RIF1: variants seen among roughly 807,000 people sequenced by gnomAD.
The protein encoded by RIF1 is telomere-associated protein RIF1.
A neutral mutation model predicts 247.1 loss-of-function variants in RIF1; 45 were observed. The ratio of observed to expected loss-of-function variants is 0.18; its 90% confidence interval spans 0.14 to 0.23. RIF1 has a LOEUF of 0.23. RIF1 is among the 10% of genes least tolerant of loss of function. The pLI is 1.00. For missense variants in RIF1, 2,967 were observed against 2,862.5 expected, an observed-to-expected ratio of 1.04 and a Z score of -0.83; for synonymous variants, 1,087 against 978.8, an observed-to-expected ratio of 1.11 and a Z score of -2.06.
rs188938068 is a variant in RIF1, at chr2:151,476,195, C to T, written c.*1124C>T. 1 of 152,308 alleles carries T rather than the reference C, an allele frequency of 6.6e-6. No individual in the cohort carries two copies. The highest frequency in any genetic ancestry group is 6.5e-5 in the Admixed American group (1 of 15,300). 9.4% of individuals were successfully genotyped at this position (152,308 alleles called of 1,614,324 possible). On this transcript the variant is annotated 3_prime_UTR_variant, in exon 36 of 36. Coordinates refer to ENST00000444746, the MANE Select transcript of RIF1 (RefSeq NM_018151.5). ...AAGGAAAGTTAGTTTCAGTATTTCA[C>T]AGCAAGTTGGACTACAAAATCTAGA...
the RIF1 span, among the ~76,000 whole-genome samples, chr2:151,521,249 T>C: frequency 1.2e-4 from 18 of 152,214 alleles, no homozygotes; most frequent in Admixed American, 1.1e-3. Context: ...ATGCTGAGAC[T>C]CCTTTACTTT....
chr2:151,436,444 GA>G (rs1180035025), intron 11 of RIF1, among the ~76,000 whole-genome samples: 2 of 151,134 alleles, frequency 1.3e-5, no homozygotes, highest in Non-Finnish European at 2.9e-5. Context: ...TTGGAATGCT[GA>G]TGGGAGAAGT....
chr2:151,417,491 A>G (rs1489508900), intron 6 of RIF1, among the ~76,000 whole-genome samples: 1 of 152,180 alleles, frequency 6.6e-6, no homozygotes, highest in East Asian at 1.9e-4. Context: ...TAGTAATATA[A>G]CAATAAGTAA....
rs759385616 is a variant in RIF1, at chr2:151,508,000, C to T, written c.*1299C>T. On this transcript the variant is annotated 3_prime_UTR_variant and NMD_transcript_variant, in exon 14 of 14. Transcript: ENST00000454583. Reference sequence around the variant, plus strand: ...GGCTGTGCCTTACATTTAATAAAAACTTACAAGGCTGAAGTTCTTTTGGTT... The same window carrying T: ...GGCTGTGCCTTACATTTAATAAAAATTTACAAGGCTGAAGTTCTTTTGGTT... 3 of 1,596,826 alleles carry T rather than the reference C, an allele frequency of 1.9e-6. No individual in the cohort carries two copies. The highest frequency in any genetic ancestry group is 2.7e-5 in the African/African-American group (2 of 74,680).
the RIF1 span, among the ~76,000 whole-genome samples, chr2:151,533,919 A>C: frequency 3.9e-5 from 6 of 152,100 alleles, no homozygotes; most frequent in African/African-American, 1.4e-4. Flanking sequence ...TTGCTTTTGC[A>C]ACTCAATCTG....
At chr2:151,532,746 CTT>C in the RIF1 span, among the ~76,000 whole-genome samples, 8 of 149,896 alleles carry the variant, frequency 5.3e-5, no homozygotes, top group Admixed American at 6.6e-5. Flanking sequence ...GCTCAATTAA[CTT>C]TTTTTTTTTG....
chr2:151,454,863 G>T (rs760375079), intron 21 of RIF1, 32 bp from the exon 22 acceptor site: 8 of 1,501,930 alleles, frequency 5.3e-6, no homozygotes, highest in South Asian at 1.3e-5. Flanking sequence ...CAATTTATTT[G>T]AGTTTTTAAT....
chr2:151,518,325 T>C, the RIF1 span: 3 of 1,599,794 alleles, frequency 1.9e-6, no homozygotes, highest in South Asian at 1.1e-5. Flanking sequence ...TACTATACTC[T>C]GTAATTCTGT....
chr2:151,462,304 A>G lies in RIF1; in HGVS notation c.3290A>G (p.Tyr1097Cys), dbSNP rs142792870. ...TCCCAAGATACCTTATTTACTCAGT[A>G]TAGTCAGGAAGAGCCTATGTAAGTA... ...DVSQDTLFTQ[Y>C]SQEEPMEIPT... The change falls in exon 28 of 36, where the codon TAT (tyrosine) becomes TGT (cysteine). Residue 1097 changes from tyrosine to cysteine, a missense_variant. Transcript: ENST00000444746. 2.7e-4 allele frequency: 422 copies of G among 1,585,644 alleles called. 1 individual carries two copies. In the African/African-American group the frequency reaches 4.9e-3, roughly 18 times the overall value.
At chr2:151,430,929 C>T (rs182586651) in intron 9 of RIF1, among the ~76,000 whole-genome samples, 7 of 152,306 alleles carry the variant, frequency 4.6e-5, no homozygotes, top group African/African-American at 1.7e-4. Context: ...GTTAGGATTA[C>T]AGGTGTGAGC....
intron 9 of RIF1, among the ~76,000 whole-genome samples, chr2:151,487,300 A>G (rs1265821065): frequency 6.6e-6 from 1 of 152,208 alleles, no homozygotes; most frequent in Non-Finnish European, 1.5e-5. Context: ...AATAAGTGAT[A>G]ATATCAAAAG....
intron 3 of RIF1, among the ~76,000 whole-genome samples, chr2:151,414,258 C>T (rs985864414): frequency 6.6e-6 from 1 of 150,988 alleles, no homozygotes; most frequent in African/African-American, 2.4e-5. Context: ...TGCACTCCAG[C>T]CTGGGCAACA....
At chr2:151,514,236 G>T in the RIF1 span, 4 of 922,726 alleles carry the variant, frequency 4.3e-6, no homozygotes, top group Admixed American at 2.0e-5. Context: ...CTCTGTTTTT[G>T]TTTTGCTTTT....
At chr2:151,468,451 T>C in intron 31 of RIF1, 23 bp from the exon 32 acceptor site, 1 of 1,581,618 alleles carries the variant, frequency 6.3e-7, no homozygotes, top group South Asian at 1.1e-5. Flanking sequence ...TGAGTGTTTT[T>C]TTCTCTCCTT....
downstream of RIF1, among the ~76,000 whole-genome samples, chr2:151,484,213 C>G (rs2049346363): frequency 6.6e-6 from 1 of 152,182 alleles, no homozygotes; most frequent in African/African-American, 2.4e-5. Flanking sequence ...AAAGAAAAAT[C>G]TGTAAGAGAC....
At chr2:151,448,058 CT>C (rs1693631065) in intron 20 of RIF1, among the ~76,000 whole-genome samples, 2 of 151,092 alleles carry the variant, frequency 1.3e-5, no homozygotes, top group East Asian at 1.9e-4. Context: ...TTTCTTGCCC[CT>C]GAGACAGAGT....
rs186733365 is a variant in RIF1 at position 151,464,062 on chromosome 2, G to A, written c.4542G>A (p.Glu1514=). Reference sequence around the variant, plus strand: ...CAGACCCTGAGAACATTAAGTCTGAGGGGGATGGTACCCAGGACATTGTAG... The same window carrying A: ...CAGACCCTGAGAACATTAAGTCTGAAGGGGATGGTACCCAGGACATTGTAG... ...KKADPENIKS[E]GDGTQDIVDK... Residue 1514 remains glutamate (E), a synonymous_variant, in exon 30 of 36, where the codon GAG becomes GAA. Coordinates refer to ENST00000444746, the MANE Select transcript of RIF1 (RefSeq NM_018151.5). The A allele has an allele frequency of 1.2e-6, 2 of 1,612,958 alleles. No homozygotes were observed. The highest frequency in any genetic ancestry group is 1.7e-5 in the Admixed American group (1 of 59,750).
At chr2:151,497,506 T>TAA in intron 10 of RIF1, 3 of 1,493,828 alleles carry the variant, frequency 2.0e-6, no homozygotes, top group Non-Finnish European at 2.7e-6. Context: ...ATAAATTTGC[T>TAA]AAAGAAATTC....
intron 9 of RIF1, chr2:151,492,248 C>T: frequency 6.2e-7 from 1 of 1,613,242 alleles, no homozygotes; most frequent in Non-Finnish European, 8.5e-7. Context: ...GTGAAGCAAC[C>T]CTTGTGTTTC....
Sources: gnomAD v4.1 joint callset for allele counts (sites outside exome capture counted in the v4.1 genomes callset) on GRCh38, gnomAD v4.1.1 for gene constraint, MANE v1.5 for transcripts, NCBI Gene and HGNC (gene_info 2026-07-23, HGNC 2026-07-21) for gene names.